DGKB: variants seen among roughly 807,000 people sequenced by gnomAD.
The protein encoded by DGKB is 90 kDa diacylglycerol kinase.
A neutral mutation model predicts 114.3 loss-of-function variants in DGKB; 67 were observed. The ratio of observed to expected loss-of-function variants is 0.59; its 90% confidence interval spans 0.48 to 0.72. The LOEUF is 0.72. Among genes scored for constraint, DGKB ranks in the 30% least tolerant of loss-of-function variants. The probability of loss-of-function intolerance (pLI) is 0.00; values close to 1 mark genes in which losing one functional copy is unlikely to be tolerated. For synonymous variants in DGKB, 398 were observed against 323.1 expected, an observed-to-expected ratio of 1.23 and a Z score of -2.49; for missense variants, 907 against 975.2, an observed-to-expected ratio of 0.93 and a Z score of 0.93.
chr7:14,948,190 G>C (rs375230694), intron 1 of DGKB, among the ~76,000 whole-genome samples: 3 of 151,788 alleles, frequency 2.0e-5, no homozygotes, highest in Admixed American at 6.6e-5. Flanking sequence ...AATCTTAACA[G>C]ATTTCTTTTC....
intron 1 of DGKB, among the ~76,000 whole-genome samples, chr7:14,882,298 C>T (rs548230091): frequency 1.3e-5 from 2 of 152,088 alleles, no homozygotes; most frequent in South Asian, 4.2e-4. Context: ...AGAGTTTATA[C>T]CAGAGTCTTG....
intron 1 of DGKB, among the ~76,000 whole-genome samples, chr7:14,927,827 C>T (rs1220662881): frequency 6.6e-6 from 1 of 151,796 alleles, no homozygotes; most frequent in African/African-American, 2.4e-5. Flanking sequence ...CATTTTGCAT[C>T]TTCTTTTTTC....
chr7:14,264,377 C>T (rs140416839), intron 23 of DGKB, among the ~76,000 whole-genome samples: 179 of 152,174 alleles, frequency 1.2e-3, no homozygotes, highest in African/African-American at 3.9e-3. Flanking sequence ...TGAAAACAAC[C>T]GCTTCTGGGG....
rs186238374 is a variant in DGKB, at chr7:14,853,929, T to C, written c.-187-12479A>G. On this transcript the variant is annotated intron_variant, in intron 1 of 25. Transcript: ENST00000402815. ...AATGGTAATTGGTAGAAACCTCACA[T>C]GACATTCTATTAGTAAAATATATTT... 2.9e-3 allele frequency among the ~76,000 whole-genome samples: 435 copies of C among 150,704 alleles called. 2 individuals carry two copies. The highest frequency in any genetic ancestry group is 0.01 in the African/African-American group (411 of 41,054).
intron 1 of DGKB, among the ~76,000 whole-genome samples, chr7:14,971,606 A>C (rs1300323840): frequency 6.6e-6 from 1 of 152,190 alleles, no homozygotes; most frequent in East Asian, 1.9e-4. Context: ...TTATTTAGGA[A>C]AAAGAATGAA....
intron 23 of DGKB, among the ~76,000 whole-genome samples, chr7:14,228,347 A>T (rs1252644974): frequency 6.6e-6 from 1 of 152,008 alleles, no homozygotes; most frequent in Non-Finnish European, 1.5e-5. Flanking sequence ...CTCCCACTGC[A>T]ACCAGTTCTA....
At chr7:14,212,805 C>T (rs1048447757) in intron 23 of DGKB, among the ~76,000 whole-genome samples, 7 of 152,054 alleles carry the variant, frequency 4.6e-5, no homozygotes, top group Admixed American at 3.3e-4. Context: ...CACCACCATC[C>T]ATCTAACTGA....
At chr7:14,492,495 C>T (rs185442860) in intron 20 of DGKB, among the ~76,000 whole-genome samples, 1 of 152,124 alleles carries the variant, frequency 6.6e-6, no homozygotes, top group African/African-American at 2.4e-5. Flanking sequence ...GAAAATTATC[C>T]ATATTTTGGA....
intron 21 of DGKB, among the ~76,000 whole-genome samples, chr7:14,366,252 A>G (rs1816658757): frequency 6.6e-6 from 1 of 152,220 alleles, no homozygotes. Context: ...CACATAAAAC[A>G]AAATAATGAA....
chr7:14,451,998 G>T (rs754436039), intron 21 of DGKB, among the ~76,000 whole-genome samples: 10 of 152,074 alleles, frequency 6.6e-5, no homozygotes, highest in Non-Finnish European at 1.0e-4. Flanking sequence ...CCCATCAAGA[G>T]AATTTTTGAC....
intron 1 of DGKB, among the ~76,000 whole-genome samples, chr7:14,936,664 C>A (rs186698477): frequency 6.6e-6 from 1 of 152,078 alleles, no homozygotes; most frequent in East Asian, 1.9e-4. Flanking sequence ...GGCCTGTTTG[C>A]GGGCTCGGCA....
chr7:14,907,239 T>C (rs1319139836), upstream of DGKB, among the ~76,000 whole-genome samples: 1 of 152,188 alleles, frequency 6.6e-6, no homozygotes, highest in Non-Finnish European at 1.5e-5. Flanking sequence ...AATTCTCCTC[T>C]TTTACAGGAG....
At chr7:14,152,481 T>C (rs1782365391) in intron 25 of DGKB, among the ~76,000 whole-genome samples, 1 of 152,024 alleles carries the variant, frequency 6.6e-6, no homozygotes, top group Non-Finnish European at 1.5e-5. Context: ...GCAAGGTAAA[T>C]TCTATCAGAT....
At chr7:14,254,468 T>C (rs1795677539) in intron 23 of DGKB, among the ~76,000 whole-genome samples, 2 of 152,194 alleles carry the variant, frequency 1.3e-5, no homozygotes, top group Non-Finnish European at 2.9e-5. Flanking sequence ...AATCAGATGA[T>C]TGCATTTGAG....
chr7:14,272,982 C>T (rs189574969), intron 23 of DGKB, among the ~76,000 whole-genome samples: 230 of 152,090 alleles, frequency 1.5e-3, no homozygotes, highest in Admixed American at 4.3e-3. Flanking sequence ...TCTGATATAC[C>T]CGGACCAGGA....
chr7:14,886,070 G>A (rs217580), intron 1 of DGKB, among the ~76,000 whole-genome samples: 150,950 of 152,010 alleles, frequency 0.99, 74,962 homozygotes, highest in Middle Eastern at 1. Context: ...AGAATGGATT[G>A]AAAATGAAAA....
intron 13 of DGKB, among the ~76,000 whole-genome samples, chr7:14,662,681 T>G (rs1817363459): frequency 6.6e-6 from 1 of 151,928 alleles, no homozygotes; most frequent in East Asian, 1.9e-4. Flanking sequence ...ACATAAAAAT[T>G]TAAGGATATC....
At chr7:14,597,877 T>C (rs1486543883) in intron 17 of DGKB, among the ~76,000 whole-genome samples, 4 of 152,160 alleles carry the variant, frequency 2.6e-5, no homozygotes, top group Admixed American at 2.6e-4. Context: ...ATGGCTTTTA[T>C]TTTAATTATT....
chr7:14,719,603 T>C (rs979237713), intron 5 of DGKB, among the ~76,000 whole-genome samples: 2 of 152,018 alleles, frequency 1.3e-5, no homozygotes, highest in African/African-American at 4.8e-5. Flanking sequence ...TAAGGAATAA[T>C]TTGAACCAAA....
Sources: gnomAD v4.1 joint callset for allele counts (sites outside exome capture counted in the v4.1 genomes callset) on GRCh38, gnomAD v4.1.1 for gene constraint, MANE v1.5 for transcripts, NCBI Gene and HGNC (gene_info 2026-07-23, HGNC 2026-07-21) for gene names.